Variants in SETBP1 observed in about 807,000 individuals in gnomAD.
SETBP1 encodes SET-binding protein.
SETBP1 carries 9 observed loss-of-function variants against 101.0 expected under a neutral mutation model. The observed-to-expected ratio is 0.09, with a 90% CI of 0.05 to 0.16. The LOEUF (loss-of-function observed/expected upper bound fraction) is 0.16. SETBP1 is among the 10% of genes least tolerant of loss of function. The probability of loss-of-function intolerance (pLI) is 1.00; values close to 1 mark genes in which losing one functional copy is unlikely to be tolerated. For synonymous variants in SETBP1, 818 were observed against 788.5 expected (o/e 1.04, Z -0.63); for missense variants, 1,858 against 2,033.8 (o/e 0.91, Z 1.66).
chr18:45,045,914 A>T (rs1219893467), intron 5 of SETBP1, among the ~76,000 whole-genome samples: 3 of 151,832 alleles, frequency 2.0e-5, no homozygotes. Context: ...CCCCTTGCCC[A>T]CCTCTCATGC....
At chr18:44,698,944 A>T (rs2069065174) in intron 1 of SETBP1, among the ~76,000 whole-genome samples, 1 of 152,064 alleles carries the variant, frequency 6.6e-6, no homozygotes, top group African/African-American at 2.4e-5. Context: ...TGATTGTTTC[A>T]TTTATTTCAC....
At chr18:44,698,037 C>T (rs1404880707) in intron 1 of SETBP1, among the ~76,000 whole-genome samples, 2 of 152,162 alleles carry the variant, frequency 1.3e-5, no homozygotes, top group Non-Finnish European at 2.9e-5. Context: ...TGAGTAGTTA[C>T]TGCAAGTTGG....
chr18:44,740,388 T>G (rs1040299397), intron 2 of SETBP1, among the ~76,000 whole-genome samples: 16 of 152,212 alleles, frequency 1.1e-4, no homozygotes, highest in Non-Finnish European at 2.1e-4. Flanking sequence ...TGGCACTCCT[T>G]AACACTTGTG....
At chr18:44,843,538 G>A (rs2072664628) in intron 2 of SETBP1, among the ~76,000 whole-genome samples, 1 of 152,158 alleles carries the variant, frequency 6.6e-6, no homozygotes. Flanking sequence ...TAGTGGCCGA[G>A]CAGGGTTCTC....
At chr18:44,972,445 G>T (rs1337813286) in intron 4 of SETBP1, among the ~76,000 whole-genome samples, 2 of 152,150 alleles carry the variant, frequency 1.3e-5, no homozygotes, top group Non-Finnish European at 2.9e-5. Context: ...GGATGGCATT[G>T]AATCTAGAAA....
chr18:44,959,912 G>GT (rs1255779086), intron 4 of SETBP1, among the ~76,000 whole-genome samples: 2 of 152,116 alleles, frequency 1.3e-5, no homozygotes, highest in Non-Finnish European at 1.5e-5. Flanking sequence ...GCATAGTGCA[G>GT]TTTTTTTGTT....
At chr18:44,924,719 T>G (rs2070659690) in intron 3 of SETBP1, among the ~76,000 whole-genome samples, 1 of 152,158 alleles carries the variant, frequency 6.6e-6, no homozygotes, top group African/African-American at 2.4e-5. Context: ...TAGGGTTGTT[T>G]CCATGCCAAC....
chr18:44,685,652 G>C (rs2144101292), intron 1 of SETBP1, among the ~76,000 whole-genome samples: 1 of 152,250 alleles, frequency 6.6e-6, no homozygotes, highest in East Asian at 1.9e-4. Context: ...TACTTCACGG[G>C]GGTTATGAGG....
intron 2 of SETBP1, among the ~76,000 whole-genome samples, chr18:44,739,817 T>G (rs749178238): frequency 6.6e-6 from 1 of 151,790 alleles, no homozygotes; most frequent in Non-Finnish European, 1.5e-5. Context: ...CGAGTAGGAG[T>G]GATTATGGTT....
intron 4 of SETBP1, among the ~76,000 whole-genome samples, chr18:44,957,580 C>A (rs2071516841): frequency 6.6e-6 from 1 of 152,072 alleles, no homozygotes; most frequent in African/African-American, 2.4e-5. Context: ...GGCACCTGGC[C>A]CCCTCCACCT....
intron 2 of SETBP1, among the ~76,000 whole-genome samples, chr18:44,718,377 A>C (rs1356549752): frequency 1.3e-5 from 2 of 152,212 alleles, no homozygotes; most frequent in Non-Finnish European, 2.9e-5. Flanking sequence ...TGCAGATCCC[A>C]GAGCTGTGAG....
chr18:44,684,836 G>A lies in SETBP1; in HGVS notation c.-173+3815G>A, dbSNP rs531323399. Among the ~76,000 whole-genome samples the A allele has an allele frequency of 8.6e-4, 130 of 152,028 alleles. 1 individual carries two copies. Among genetic ancestry groups the A allele is most frequent in the African/African-American group, 2.6e-3 (107 of 41,458 alleles). ...TAATTTTTGTATTTTTAGTAGAGAC[G>A]GGGTTTCACCATGTTGGCCAGGCTG... On this transcript the variant is annotated intron_variant, in intron 1 of 5. Transcript: ENST00000649279.
At chr18:45,002,970 T>A (rs1448558980) in intron 4 of SETBP1, among the ~76,000 whole-genome samples, 1 of 152,174 alleles carries the variant, frequency 6.6e-6, no homozygotes, top group Admixed American at 6.5e-5. Context: ...AGCACCTTGG[T>A]ATATGTGAGA....
chr18:44,951,353 A>C lies in SETBP1; in HGVS notation c.2013A>C (p.Thr671=), dbSNP rs1476886999. The C allele has an allele frequency of 6.2e-7, 1 of 1,614,022 alleles. No individual in the cohort carries two copies. The highest frequency in any genetic ancestry group is 8.5e-7 in the Non-Finnish European group (1 of 1,180,044). Residue 671 remains threonine (T), a synonymous_variant, in exon 4 of 6, where the codon ACA becomes ACC. Coordinates refer to ENST00000649279, the MANE Select transcript of SETBP1 (RefSeq NM_015559.3). The surrounding 1 kb of genome is among the most constrained non-coding windows in gnomAD (Gnocchi z 7.8). ...TCAAAACTATCAATAAGATGAAGACACTCAAGAGGAAAAACATCTTGAATC... is the reference window on the plus strand; with the variant it reads ...TCAAAACTATCAATAAGATGAAGACCCTCAAGAGGAAAAACATCTTGAATC... ...KTIKTINKMK[T]LKRKNILNQI...
chr18:44,771,925 C>T (rs2070883615), intron 2 of SETBP1, among the ~76,000 whole-genome samples: 1 of 152,230 alleles, frequency 6.6e-6, no homozygotes, highest in Non-Finnish European at 1.5e-5. Context: ...TATGATGGAA[C>T]AGACTTCCTA....
At chr18:44,772,354 C>A (rs1387689254) in intron 2 of SETBP1, among the ~76,000 whole-genome samples, 1 of 152,098 alleles carries the variant, frequency 6.6e-6, no homozygotes, top group Non-Finnish European at 1.5e-5. Context: ...AAAGAAAACA[C>A]CTCGAGGACC....
chr18:44,765,282 T>C (rs2144607803), intron 2 of SETBP1, among the ~76,000 whole-genome samples: 1 of 152,018 alleles, frequency 6.6e-6, no homozygotes, highest in South Asian at 2.1e-4. Context: ...GCAGATTTGG[T>C]TCCTCTTCTT....
At chr18:45,004,191 G>T (rs188008728) in intron 4 of SETBP1, among the ~76,000 whole-genome samples, 1 of 152,166 alleles carries the variant, frequency 6.6e-6, no homozygotes, top group African/African-American at 2.4e-5. Flanking sequence ...ACATAGCCCC[G>T]GCAAAATATA....
At chr18:44,971,222 T>C (rs1420594813) in intron 4 of SETBP1, among the ~76,000 whole-genome samples, 3 of 152,338 alleles carry the variant, frequency 2.0e-5, no homozygotes, top group African/African-American at 7.2e-5. Context: ...TTTTTATGGC[T>C]GCATAGTATT....
Sources: gnomAD v4.1 joint callset for allele counts (sites outside exome capture counted in the v4.1 genomes callset) on GRCh38, gnomAD v4.1.1 for gene constraint, Gnocchi (gnomAD v3.1) non-coding constraint, MANE v1.5 for transcripts, NCBI Gene and HGNC (gene_info 2026-07-23, HGNC 2026-07-21) for gene names.